LRRIQ1: variants seen among roughly 807,000 people sequenced by gnomAD.
The protein encoded by LRRIQ1 is leucine-rich repeat- and IQ domain-containing protein 1.
LRRIQ1 carries 210 observed loss-of-function variants against 211.9 expected under a neutral mutation model. The ratio of observed to expected loss-of-function variants is 0.99; its 90% CI spans 0.89 to 1.11. The LOEUF is 1.11. Ranked by LOEUF, LRRIQ1 falls within the 50% of genes most tolerant of loss-of-function variation. The pLI is 0.00. For missense variants in LRRIQ1, 2,136 were observed against 1,939.5 expected (o/e 1.10, Z -1.90); for synonymous variants, 699 against 650.1 (o/e 1.08, Z -1.14).
Position 85,229,650 on chromosome 12 carries a change from G to C in LRRIQ1, c.4955+1G>C. 1.2e-6 allele frequency: 2 copies of C among 1,608,668 alleles called. No homozygotes were observed. Among genetic ancestry groups the C allele is most frequent in the African/African-American group, 1.3e-5 (1 of 74,578 alleles). ...CGACTAGTTCCAGAAATATGAAATG[G>C]TGAGGTCATTTCCTCTAAATTAGAT... is the stretch of plus-strand genomic sequence containing the variant. On this transcript the variant is annotated splice_donor_variant, in intron 25 of 26. Coordinates refer to ENST00000393217, the MANE Select transcript of LRRIQ1 (RefSeq NM_001079910.2). LOFTEE classifies it high-confidence loss of function.
intron 24 of LRRIQ1, among the ~76,000 whole-genome samples, chr12:85,203,830 C>A (rs1670892153): frequency 6.6e-6 from 1 of 152,060 alleles, no homozygotes; most frequent in African/African-American, 2.4e-5. Context: ...GAATTTGCAG[C>A]CTGACAATGC....
At chr12:85,204,419 C>G (rs1893445009) in intron 24 of LRRIQ1, among the ~76,000 whole-genome samples, 1 of 152,170 alleles carries the variant, frequency 6.6e-6, no homozygotes, top group African/African-American at 2.4e-5. Flanking sequence ...CTCCAGACCC[C>G]AAAATGGTAG....
At chr12:85,090,726 A>G (rs1885297908) in intron 11 of LRRIQ1, among the ~76,000 whole-genome samples, 1 of 152,326 alleles carries the variant, frequency 6.6e-6, no homozygotes, top group Non-Finnish European at 1.5e-5. Context: ...ACAGACACAT[A>G]GGTGGAAGGG....
intron 8 of LRRIQ1, among the ~76,000 whole-genome samples, chr12:85,058,874 A>C (rs1326271168): frequency 6.6e-6 from 1 of 152,006 alleles, no homozygotes; most frequent in African/African-American, 2.4e-5. Flanking sequence ...AGTGTTCTAA[A>C]GGGCACCATA....
intron 8 of LRRIQ1, 93 bp downstream of exon 8, chr12:85,057,277 A>G (rs1881234413): frequency 1.0e-6 from 1 of 995,728 alleles, no homozygotes; most frequent in Non-Finnish European, 1.4e-6. Flanking sequence ...AATATTTTGT[A>G]TACAAGAATT....
At chr12:85,233,040 T>C (rs1895021195) in intron 26 of LRRIQ1, 1 of 311,692 alleles carries the variant, frequency 3.2e-6, no homozygotes, top group Non-Finnish European at 5.9e-6. Flanking sequence ...AATTGAAACT[T>C]TTTTCTTGGA....
Position 85,055,627 on chromosome 12 carries a change from T to C in LRRIQ1, c.834T>C (p.Ser278=). Residue 278 remains serine, a synonymous_variant, in exon 8 of 27, where the codon TCT becomes TCC. Coordinates refer to ENST00000393217, the MANE Select transcript of LRRIQ1 (RefSeq NM_001079910.2). ...ACCAACAAGAAAAAGAAAAAAATTC[T>C]TTGTTAAAACAGCAGAATAATGCAG... is the stretch of plus-strand genomic sequence containing the variant. The part of the protein sequence containing the change: ...FKDQQEKEKN[S]LLKQQNNAAV... 2.5e-6 allele frequency: 4 copies of C among 1,573,334 alleles called. No individual in the cohort carries two copies. The highest frequency in any genetic ancestry group is 3.4e-6 in the Non-Finnish European group (4 of 1,168,158).
chr12:85,222,613 A>T (rs1243148325), intron 24 of LRRIQ1, among the ~76,000 whole-genome samples: 1 of 152,216 alleles, frequency 6.6e-6, no homozygotes, highest in East Asian at 1.9e-4. Flanking sequence ...AAGTCAACAG[A>T]GACTAATCTT....
chr12:85,239,490 C>G lies in LRRIQ1; in HGVS notation c.5017-5299C>G, dbSNP rs572912243. On this transcript the variant is annotated intron_variant, in intron 26 of 26. Transcript: ENST00000393217. ...AGTATAGGGAGTCCAGAAAAATACC[C>G]ACACTTGTAAGGTCAATTGATTTTT... 5.5e-4 allele frequency among the ~76,000 whole-genome samples: 84 copies of G among 151,796 alleles called. 1 individual carries two copies. Among genetic ancestry groups the G allele is most frequent in the African/African-American group, 1.9e-3 (78 of 41,324 alleles).
At chr12:85,157,056 TTTTA>T (rs935817436) in intron 23 of LRRIQ1, among the ~76,000 whole-genome samples, 2 of 151,866 alleles carry the variant, frequency 1.3e-5, no homozygotes, top group African/African-American at 4.8e-5. Context: ...GTCAATAATA[TTTTA>T]TTTATTTAAG....
chr12:85,208,272 T>C (rs912815239), intron 24 of LRRIQ1, among the ~76,000 whole-genome samples: 1 of 151,468 alleles, frequency 6.6e-6, no homozygotes, highest in African/African-American at 2.4e-5. Flanking sequence ...AACAAACATA[T>C]AGGTATAGTA....
chr12:85,072,594 C>A (rs1456470654), intron 10 of LRRIQ1, among the ~76,000 whole-genome samples: 1 of 150,666 alleles, frequency 6.6e-6, no homozygotes, highest in Non-Finnish European at 1.5e-5. Context: ...TACTGCCGTG[C>A]AATTTTATAA....
chr12:85,045,999 G>A, intron 4 of LRRIQ1, 21 bp from the exon 5 acceptor site: 1 of 1,335,830 alleles, frequency 7.5e-7, no homozygotes, highest in South Asian at 1.2e-5. Context: ...TTTAATCATT[G>A]GTACTCATTT....
intron 19 of LRRIQ1, among the ~76,000 whole-genome samples, chr12:85,146,923 T>A (rs1344853674): frequency 6.6e-6 from 1 of 151,742 alleles, no homozygotes; most frequent in African/African-American, 2.4e-5. Flanking sequence ...TCCAAATAGA[T>A]CTATATTACC....
At chr12:85,151,037 C>T (rs117556161) in intron 19 of LRRIQ1, among the ~76,000 whole-genome samples, 190 of 151,378 alleles carry the variant, frequency 1.3e-3, no homozygotes, top group Admixed American at 2.7e-3. Flanking sequence ...CTATAGTCAC[C>T]ATGTTGTGCA....
downstream of LRRIQ1, among the ~76,000 whole-genome samples, chr12:85,246,989 C>G (rs1275150862): frequency 6.6e-6 from 1 of 151,204 alleles, no homozygotes; most frequent in Admixed American, 6.6e-5. Flanking sequence ...TTGTTGGGAT[C>G]AAATGCATAC....
At chr12:85,244,311 G>T (rs12311669) in intron 26 of LRRIQ1, among the ~76,000 whole-genome samples, 34,573 of 151,180 alleles carry the variant, frequency 0.23, 10,215 homozygotes, top group African/African-American at 0.69. Flanking sequence ...AGGTAAAGAT[G>T]GTCTGTAGCT....
intron 24 of LRRIQ1, among the ~76,000 whole-genome samples, chr12:85,200,922 C>T (rs1015701674): frequency 9.2e-5 from 14 of 152,064 alleles, no homozygotes; most frequent in Middle Eastern, 3.4e-3. Flanking sequence ...TGGGTTCCAG[C>T]GATCTTCATG....
At chr12:85,178,086 G>A (rs530349955) in intron 24 of LRRIQ1, among the ~76,000 whole-genome samples, 169 of 152,016 alleles carry the variant, frequency 1.1e-3, no homozygotes, top group Non-Finnish European at 1.9e-3. Context: ...TTCCATTATC[G>A]TTCAAAATTT....
Sources: allele counts gnomAD v4.1 joint callset (sites outside exome capture counted in the v4.1 genomes callset), GRCh38; gene constraint gnomAD v4.1.1; transcripts MANE v1.5; gene names NCBI Gene and HGNC (gene_info 2026-07-23, HGNC 2026-07-21).